The following ASB2 variants were observed in gnomAD, a reference collection of about 807,000 sequenced individuals.
ASB2 encodes ankyrin repeat and SOCS box containing 2.
ASB2 carries 58 observed loss-of-function variants against 62.4 expected under a neutral mutation model. The ratio of observed to expected loss-of-function variants is 0.93; its 90% CI spans 0.75 to 1.16. ASB2 has a LOEUF of 1.16. ASB2 is among the 50% of genes most tolerant of loss of function. The pLI is 0.00. For synonymous variants in ASB2, 386 were observed against 385.3 expected, an observed-to-expected ratio of 1.00 and a Z score of -0.02; for missense variants, 928 against 887.9, an observed-to-expected ratio of 1.05 and a Z score of -0.57.
At chr14:93,946,189 C>T (rs1306743247) in intron 7 of ASB2, among the ~76,000 whole-genome samples, 2 of 152,272 alleles carry the variant, frequency 1.3e-5, no homozygotes, top group Middle Eastern at 3.4e-3. Flanking sequence ...GCCCTGGGGA[C>T]GGGGCTTTCA....
rs1195715031 is a variant in ASB2, at chr14:93,955,160, C to G, written c.312-677G>C. 6.6e-6 allele frequency: 3 copies of G among 456,714 alleles called. No homozygotes were observed. In the Admixed American group the frequency reaches 7.0e-5, roughly 11 times the overall value. 28.3% of individuals were successfully genotyped at this position (456,714 alleles called of 1,614,324 possible). A position where few individuals can be genotyped will look rare whatever the true frequency, so the allele number is the denominator to read the frequency against. ...ACGATGTCTATGCCTCTCAGATCCA[C>G]TTTTGGGGAGGCTTCTGCATCAATA... On this transcript the variant is annotated intron_variant, in intron 3 of 9. Coordinates refer to ENST00000555019, the MANE Select transcript of ASB2 (RefSeq NM_001202429.2).
intron 1 of ASB2, chr14:93,974,138 C>T (rs1268883715): frequency 1.3e-5 from 2 of 152,248 alleles, no homozygotes; most frequent in Non-Finnish European, 2.9e-5. Context: ...ATCCTCTCTC[C>T]TCTGAGTTCC....
At chr14:93,946,448 G>A (rs1263126226) in intron 7 of ASB2, among the ~76,000 whole-genome samples, 1 of 152,216 alleles carries the variant, frequency 6.6e-6, no homozygotes, top group Non-Finnish European at 1.5e-5. Context: ...CAGAGAAGGG[G>A]GAAAGGACTC....
chr14:93,964,250 G>C, intron 2 of ASB2, 84 bp downstream of exon 2: 1 of 1,275,664 alleles, frequency 7.8e-7, no homozygotes, highest in Non-Finnish European at 1.1e-6. Context: ...GGATACCGTG[G>C]TTTTGGATTA....
chr14:93,971,447 A>G (rs911405570), intron 1 of ASB2, among the ~76,000 whole-genome samples: 2 of 152,252 alleles, frequency 1.3e-5, no homozygotes, highest in African/African-American at 4.8e-5. Flanking sequence ...GGTGACTGCC[A>G]ACAAATGACA....
At chr14:93,962,204 T>A (rs1409954045) in intron 2 of ASB2, among the ~76,000 whole-genome samples, 2 of 92,400 alleles carry the variant, frequency 2.2e-5, no homozygotes, top group African/African-American at 8.0e-5. Context: ...AAGCTCCGCC[T>A]CCCGGGTTCA....
At chr14:93,962,336 G>A (rs1046377965) in intron 2 of ASB2, among the ~76,000 whole-genome samples, 6 of 151,946 alleles carry the variant, frequency 3.9e-5, no homozygotes, top group Non-Finnish European at 7.4e-5. Context: ...GGATGGTCTC[G>A]ATCTCCCGAC....
intron 6 of ASB2, among the ~76,000 whole-genome samples, chr14:93,949,252 T>C (rs1888857360): frequency 6.6e-6 from 1 of 152,220 alleles, no homozygotes; most frequent in Non-Finnish European, 1.5e-5. Context: ...GGTAATTTAT[T>C]ATTTTTGATG....
intron 2 of ASB2, among the ~76,000 whole-genome samples, chr14:93,960,361 C>G (rs1161246208): frequency 6.6e-6 from 1 of 152,204 alleles, no homozygotes; most frequent in Non-Finnish European, 1.5e-5. Flanking sequence ...GGACCCAGCC[C>G]TGATTCACAA....
chr14:93,956,965 C>T (rs1373021746), intron 2 of ASB2, 95 bp from the exon 3 acceptor site: 9 of 1,580,168 alleles, frequency 5.7e-6, no homozygotes, highest in Non-Finnish European at 6.9e-6. Context: ...GGAGGGAGAG[C>T]CAGGGAGAGA....
intron 2 of ASB2, among the ~76,000 whole-genome samples, chr14:93,963,083 T>G (rs933300531): frequency 6.6e-6 from 1 of 152,240 alleles, no homozygotes; most frequent in Non-Finnish European, 1.5e-5. Context: ...CCAGCCAGCC[T>G]GACAGAGATG....
intron 7 of ASB2, among the ~76,000 whole-genome samples, chr14:93,941,885 C>T (rs1888539285): frequency 6.6e-6 from 1 of 152,238 alleles, no homozygotes; most frequent in Non-Finnish European, 1.5e-5. Flanking sequence ...ATGTGTAACG[C>T]CGGACAGGCT....
At chr14:93,963,535 C>T (rs1458308575) in intron 2 of ASB2, among the ~76,000 whole-genome samples, 1 of 152,216 alleles carries the variant, frequency 6.6e-6, no homozygotes, top group Non-Finnish European at 1.5e-5. Flanking sequence ...TCTGCACCGT[C>T]TGATAAGGTA....
intron 2 of ASB2, among the ~76,000 whole-genome samples, chr14:93,961,394 A>G (rs941486): frequency 0.08 from 12,156 of 152,062 alleles, 549 homozygotes; most frequent in African/African-American, 0.12. Context: ...TCACCCATTC[A>G]CTCATTCACA....
intron 1 of ASB2, among the ~76,000 whole-genome samples, chr14:93,972,612 C>G (rs758887412): frequency 6.6e-6 from 1 of 152,220 alleles, no homozygotes; most frequent in Non-Finnish European, 1.5e-5. Context: ...CCCTCTGACA[C>G]AACATTAAGG....
At chr14:93,951,342 T>C in intron 5 of ASB2, 98 bp from the exon 6 acceptor site, 1 of 1,406,296 alleles carries the variant, frequency 7.1e-7, no homozygotes, top group Non-Finnish European at 9.6e-7. Context: ...CATCCACTCA[T>C]TCAGCTTTCC....
rs1048450519 is a variant in ASB2 at position 93,934,742 on chromosome 14, T to A, written c.1822A>T (p.Ile608Phe). The change falls in exon 10 of 10, where the codon ATT becomes TTT. Residue 608 changes from isoleucine (I) to phenylalanine (F), a missense_variant. Coordinates refer to ENST00000555019, the MANE Select transcript of ASB2 (RefSeq NM_001202429.2). ...HLCRLRVRKAIGKYRIKLLDT... is the reference protein window; with the variant it reads ...HLCRLRVRKAFGKYRIKLLDT... ...AGGAGTTTTATACGGTATTTCCCAA[T>A]GGCCTTTCGAACCCGCAGTCGGCAA... is the stretch of plus-strand genomic sequence containing the variant. 1 of 1,613,714 alleles carries A rather than the reference T, an allele frequency of 6.2e-7. No homozygotes were observed. Among genetic ancestry groups the A allele is most frequent in the East Asian group, 2.2e-5 (1 of 44,876 alleles).
At chr14:93,966,956 C>T (rs1017472804) in intron 1 of ASB2, among the ~76,000 whole-genome samples, 9 of 152,068 alleles carry the variant, frequency 5.9e-5, no homozygotes, top group Non-Finnish European at 1.2e-4. Flanking sequence ...CATGACCTCA[C>T]AATCATTTTA....
chr14:93,974,056 C>G (rs1396115020), intron 1 of ASB2: 1 of 152,268 alleles, frequency 6.6e-6, no homozygotes. Flanking sequence ...AGCCCCTCCT[C>G]ACCTGCAGGG....
Sources: allele counts gnomAD v4.1 joint callset (sites outside exome capture counted in the v4.1 genomes callset), GRCh38; gene constraint gnomAD v4.1.1; transcripts MANE v1.5; gene names NCBI Gene and HGNC (gene_info 2026-07-23, HGNC 2026-07-21).